NR2F1-AS1: variants seen among roughly 807,000 people sequenced by gnomAD.
NR2F1-AS1 encodes NR2F1 regulatory antisense RNA 1, also known as NR2F1 antisense RNA 1.
At chr5:93,534,022 T>C (rs1042817017) in intron 4 of NR2F1-AS1, among the ~76,000 whole-genome samples, 1 of 152,080 alleles carries the variant, frequency 6.6e-6, no homozygotes, top group Non-Finnish European at 1.5e-5. Context: ...GGCGGAGCTG[T>C]AGTGAGCCGA....
At chr5:93,541,284 A>G (rs1190024894) in intron 4 of NR2F1-AS1, among the ~76,000 whole-genome samples, 1 of 152,190 alleles carries the variant, frequency 6.6e-6, no homozygotes. Flanking sequence ...AAGCAGGCCC[A>G]CCATAAAGTT....
At chr5:93,455,988 T>C (rs1749939614) in intron 4 of NR2F1-AS1, among the ~76,000 whole-genome samples, 1 of 151,914 alleles carries the variant, frequency 6.6e-6, no homozygotes, top group Non-Finnish European at 1.5e-5. Flanking sequence ...GTCCTACATA[T>C]GGAAAAAAGA....
chr5:93,448,900 A>T (rs1332859743), intron 4 of NR2F1-AS1, among the ~76,000 whole-genome samples: 1 of 152,208 alleles, frequency 6.6e-6, no homozygotes, highest in African/African-American at 2.4e-5. Flanking sequence ...ATTGAGTCTG[A>T]CCAAATATCT....
intron 1 of NR2F1-AS1, among the ~76,000 whole-genome samples, chr5:93,568,593 C>T (rs377098391): frequency 1.3e-5 from 2 of 152,038 alleles, no homozygotes; most frequent in Non-Finnish European, 2.9e-5. Flanking sequence ...ATGGTAAAAC[C>T]CCAGAATACC....
At chr5:93,463,917 T>C (rs1035066599) in intron 4 of NR2F1-AS1, among the ~76,000 whole-genome samples, 5 of 152,188 alleles carry the variant, frequency 3.3e-5, no homozygotes, top group African/African-American at 1.2e-4. Context: ...CAGAAGGGAC[T>C]TGCCTTGTCT....
chr5:93,565,073 G>T (rs1752585819), intron 1 of NR2F1-AS1, among the ~76,000 whole-genome samples: 1 of 152,084 alleles, frequency 6.6e-6, no homozygotes, highest in Non-Finnish European at 1.5e-5. Flanking sequence ...GAAAAAAAAT[G>T]ACAGGCAATG....
intron 4 of NR2F1-AS1, among the ~76,000 whole-genome samples, chr5:93,529,414 G>A (rs1008950511): frequency 6.6e-6 from 1 of 152,050 alleles, no homozygotes; most frequent in African/African-American, 2.4e-5. Flanking sequence ...CAGACATAGT[G>A]AAAAATTTGG....
chr5:93,465,348 A>T (rs536333581), intron 4 of NR2F1-AS1, among the ~76,000 whole-genome samples: 1 of 152,282 alleles, frequency 6.6e-6, no homozygotes, highest in African/African-American at 2.4e-5. Flanking sequence ...CTGGTCATCA[A>T]AGAAATGCAA....
intron 4 of NR2F1-AS1, among the ~76,000 whole-genome samples, chr5:93,551,700 A>G (rs1030230470): frequency 7.9e-5 from 12 of 152,272 alleles, no homozygotes; most frequent in African/African-American, 2.9e-4. Context: ...TAGACTGATT[A>G]TAAGACAAGA....
intron 4 of NR2F1-AS1, chr5:93,411,114 G>C (rs771776067): frequency 7.2e-5 from 11 of 152,180 alleles, no homozygotes; most frequent in Non-Finnish European, 1.5e-4. Context: ...ATTTATTGAA[G>C]ACAGGCTCCA....
At chr5:93,559,111 A>T (rs897013394) in intron 2 of NR2F1-AS1, among the ~76,000 whole-genome samples, 2 of 152,114 alleles carry the variant, frequency 1.3e-5, no homozygotes, top group African/African-American at 4.8e-5. Flanking sequence ...ATAGAAGGCC[A>T]TTTCATCTAC....
chr5:93,471,791 C>G (rs1750371129), intron 4 of NR2F1-AS1, among the ~76,000 whole-genome samples: 1 of 151,834 alleles, frequency 6.6e-6, no homozygotes. Flanking sequence ...TCTGAAGCAC[C>G]ATGGACAATG....
At chr5:93,490,344 G>C (rs1750809213) in intron 4 of NR2F1-AS1, among the ~76,000 whole-genome samples, 1 of 152,200 alleles carries the variant, frequency 6.6e-6, no homozygotes, top group South Asian at 2.1e-4. Flanking sequence ...TGTGTAAACT[G>C]TCACAAAAAC....
chr5:93,582,285 AAG>A (rs1491054894), upstream of NR2F1-AS1, among the ~76,000 whole-genome samples: 18 of 150,546 alleles, frequency 1.2e-4, no homozygotes, highest in East Asian at 2.0e-4. Context: ...AAAAAAAAAA[AAG>A]AAGAAGGAAA....
chr5:93,462,224 T>C (rs574247080), intron 4 of NR2F1-AS1, among the ~76,000 whole-genome samples: 12 of 152,100 alleles, frequency 7.9e-5, no homozygotes, highest in Middle Eastern at 6.3e-3. Context: ...TGGGAGGTGA[T>C]TGAGTTATGG....
At chr5:93,464,879 C>T (rs942347548) in intron 4 of NR2F1-AS1, among the ~76,000 whole-genome samples, 1 of 152,182 alleles carries the variant, frequency 6.6e-6, no homozygotes. Flanking sequence ...GGAAAAGTCA[C>T]CTATTCCATC....
chr5:93,564,714 T>C (rs139884195), intron 1 of NR2F1-AS1, among the ~76,000 whole-genome samples: 1,772 of 152,274 alleles, frequency 0.012, 20 homozygotes, highest in Non-Finnish European at 0.015. Flanking sequence ...GCTAAAACAC[T>C]GAATTTCAGA....
intron 4 of NR2F1-AS1, among the ~76,000 whole-genome samples, chr5:93,438,188 A>C (rs1749484252): frequency 6.6e-6 from 1 of 152,178 alleles, no homozygotes; most frequent in Admixed American, 6.6e-5. Context: ...AGATGCATGA[A>C]GATCATGCTG....
chr5:93,548,222 A>C (rs1294692871), intron 4 of NR2F1-AS1, among the ~76,000 whole-genome samples: 1 of 152,194 alleles, frequency 6.6e-6, no homozygotes, highest in Admixed American at 6.5e-5. Context: ...TCACAAATGG[A>C]AACAACCTAG....
Sources: gnomAD v4.1 joint callset for allele counts (sites outside exome capture counted in the v4.1 genomes callset) on GRCh38, gnomAD v4.1.1 for gene constraint, MANE v1.5 for transcripts, NCBI Gene and HGNC (gene_info 2026-07-23, HGNC 2026-07-21) for gene names.